The following ADIPOR2 variants were observed in gnomAD, a reference collection of about 807,000 sequenced individuals.
ADIPOR2 encodes the protein adiponectin receptor protein 2.
Under a neutral mutation model 40.9 loss-of-function variants are expected in ADIPOR2, and 18 were observed. That is an observed-to-expected ratio of 0.44 (90% CI 0.30 to 0.65). The LOEUF is 0.65. Among genes scored for constraint, ADIPOR2 ranks in the 30% least tolerant of loss-of-function variants. The pLI, the probability that ADIPOR2 is intolerant of heterozygous loss-of-function variation, is 0.09. For missense variants in ADIPOR2, 283 were observed against 479.2 expected (o/e 0.59, Z 3.82); for synonymous variants, 165 against 166.4 (o/e 0.99, Z 0.06).
chr12:1,727,066 A>T (rs1464332389), intron 1 of ADIPOR2, among the ~76,000 whole-genome samples: 1 of 152,202 alleles, frequency 6.6e-6, no homozygotes, highest in African/African-American at 2.4e-5. Context: ...TTTGTCCTGC[A>T]TGTTCTACTT....
intron 1 of ADIPOR2, among the ~76,000 whole-genome samples, chr12:1,747,071 A>AAAAAC (rs908829415): frequency 6.8e-5 from 10 of 146,708 alleles, no homozygotes; most frequent in South Asian, 2.3e-4. Context: ...AAAAAATAAA[A>AAAAAC]AAAACAAAAC....
At chr12:1,707,175 T>A (rs2094665053) in intron 1 of ADIPOR2, among the ~76,000 whole-genome samples, 1 of 152,198 alleles carries the variant, frequency 6.6e-6, no homozygotes, top group Non-Finnish European at 1.5e-5. Flanking sequence ...TTCATTCACC[T>A]GATATTTGGG....
At chr12:1,781,848 G>A (rs572201776) in intron 6 of ADIPOR2, among the ~76,000 whole-genome samples, 2 of 152,332 alleles carry the variant, frequency 1.3e-5, no homozygotes, top group Non-Finnish European at 2.9e-5. Context: ...GTAACCTCAT[G>A]TCAGTGACCA....
At chr12:1,772,712 A>C in intron 2 of ADIPOR2, 130 bp from the exon 3 acceptor site, 1 of 1,143,068 alleles carries the variant, frequency 8.7e-7, no homozygotes, top group Non-Finnish European at 1.2e-6. Flanking sequence ...GACTTACTAT[A>C]TTGTTGATTC....
At chr12:1,692,219 A>G (rs1223572207) in intron 1 of ADIPOR2, among the ~76,000 whole-genome samples, 1 of 152,154 alleles carries the variant, frequency 6.6e-6, no homozygotes, top group Non-Finnish European at 1.5e-5. Flanking sequence ...TTCAGAAAAA[A>G]GCATCCATCT....
chr12:1,731,593 G>A (rs1322725648), intron 1 of ADIPOR2, among the ~76,000 whole-genome samples: 1 of 152,110 alleles, frequency 6.6e-6, no homozygotes, highest in Non-Finnish European at 1.5e-5. Context: ...CATATAAATG[G>A]AATCATATAG....
intron 1 of ADIPOR2, among the ~76,000 whole-genome samples, chr12:1,736,639 T>C (rs1283260403): frequency 6.6e-6 from 1 of 152,224 alleles, no homozygotes. Flanking sequence ...CTTAGTTATT[T>C]CTTGTTTTCT....
intron 2 of ADIPOR2, among the ~76,000 whole-genome samples, chr12:1,764,728 C>G (rs1385315433): frequency 6.6e-6 from 1 of 152,130 alleles, no homozygotes; most frequent in Admixed American, 6.6e-5. Context: ...AACCATTACC[C>G]TGACTTCTAA....
chr12:1,740,187 CTT>C (rs2094739623), intron 1 of ADIPOR2, among the ~76,000 whole-genome samples: 1 of 152,112 alleles, frequency 6.6e-6, no homozygotes, highest in African/African-American at 2.4e-5. Flanking sequence ...TTAGATGTAA[CTT>C]TTCAGTTATT....
At chr12:1,772,982 CATTGTCATGCTATATATTT>C in intron 3 of ADIPOR2, 21 bp downstream of exon 3, 1 of 1,611,254 alleles carries the variant, frequency 6.2e-7, no homozygotes, top group Non-Finnish European at 8.5e-7. Context: ...AGTTTCTTGT[CATTGTCATGCTATATATTT>C]AGCCCTTCCA....
intron 1 of ADIPOR2, among the ~76,000 whole-genome samples, chr12:1,750,197 C>T (rs377175360): frequency 3.4e-4 from 51 of 152,002 alleles, no homozygotes; most frequent in South Asian, 1.5e-3. Flanking sequence ...ATTTAATTTT[C>T]TATGGAGCAG....
At chr12:1,707,882 A>T (rs1003969457) in intron 1 of ADIPOR2, among the ~76,000 whole-genome samples, 7 of 152,138 alleles carry the variant, frequency 4.6e-5, no homozygotes, top group South Asian at 2.1e-4. Flanking sequence ...ATTCATTTTT[A>T]AAAAAGCTTT....
intron 1 of ADIPOR2, among the ~76,000 whole-genome samples, chr12:1,751,482 C>G (rs1300058681): frequency 6.6e-6 from 1 of 152,130 alleles, no homozygotes; most frequent in African/African-American, 2.4e-5. Flanking sequence ...GATTACAAAA[C>G]AATTCTAACT....
chr12:1,718,157 TAAAA>T (rs1265886760), intron 1 of ADIPOR2, among the ~76,000 whole-genome samples: 1 of 152,158 alleles, frequency 6.6e-6, no homozygotes, highest in African/African-American at 2.4e-5. Flanking sequence ...AATGTAGGCT[TAAAA>T]AAATTATCCT....
chr12:1,716,509 T>G (rs540481625), intron 1 of ADIPOR2, among the ~76,000 whole-genome samples: 1 of 152,342 alleles, frequency 6.6e-6, no homozygotes, highest in South Asian at 2.1e-4. Flanking sequence ...CATTCCTGAC[T>G]AAAAGGCTAG....
chr12:1,750,658 C>T (rs1025330146), intron 1 of ADIPOR2, among the ~76,000 whole-genome samples: 2 of 151,954 alleles, frequency 1.3e-5, no homozygotes, highest in Admixed American at 6.6e-5. Context: ...TTTGTAGATC[C>T]TCAGTAACAT....
intron 1 of ADIPOR2, among the ~76,000 whole-genome samples, chr12:1,746,326 A>C (rs1413219883): frequency 1.3e-5 from 2 of 152,114 alleles, no homozygotes; most frequent in Non-Finnish European, 2.9e-5. Context: ...CATCTTTACT[A>C]AAAATACAAA....
chr12:1,720,835 A>G (rs1474844609), intron 1 of ADIPOR2, among the ~76,000 whole-genome samples: 2 of 152,210 alleles, frequency 1.3e-5, no homozygotes, highest in African/African-American at 2.4e-5. Flanking sequence ...ACTAAAGGAA[A>G]AAGTCAAGTG....
chr12:1,739,281 A>G (rs1231948632), intron 1 of ADIPOR2, among the ~76,000 whole-genome samples: 1 of 152,226 alleles, frequency 6.6e-6, no homozygotes, highest in African/African-American at 2.4e-5. Flanking sequence ...CAAGGTCATT[A>G]TAGTAGTAGT....
Sources: allele counts gnomAD v4.1 joint callset (sites outside exome capture counted in the v4.1 genomes callset), GRCh38; gene constraint gnomAD v4.1.1; transcripts MANE v1.5; gene names NCBI Gene and HGNC (gene_info 2026-07-23, HGNC 2026-07-21).